SPIRE1: variants seen among roughly 807,000 people sequenced by gnomAD.
SPIRE1 encodes the protein spire type actin nucleation factor 1.
A neutral mutation model predicts 94.1 loss-of-function variants in SPIRE1; 40 were observed. The observed-to-expected ratio is 0.43, with a 90% CI of 0.33 to 0.55. SPIRE1 has a LOEUF of 0.55. Among genes scored for constraint, SPIRE1 ranks in the 20% least tolerant of loss-of-function variants. The pLI is 0.06. For synonymous variants in SPIRE1, 376 were observed against 371.7 expected, an observed-to-expected ratio of 1.01 and a Z score of -0.13; for missense variants, 838 against 975.2, an observed-to-expected ratio of 0.86 and a Z score of 1.87.
In SPIRE1 at chr18:12,449,537, AG is replaced by A. The variant is rs2031115686; in HGVS notation, c.*100del. 8.2e-7 allele frequency: 1 copy of A among 1,213,826 alleles called. No homozygotes were observed. Among genetic ancestry groups the A allele is most frequent in the South Asian group, 1.6e-5 (1 of 64,428 alleles). 75.2% of individuals were successfully genotyped at this position (1,213,826 alleles called of 1,614,324 possible). A position where few individuals can be genotyped will look rare whatever the true frequency, so the allele number is the denominator to read the frequency against. ...AAAAATCTGATCTAATGCAAATTCA[AG>A]CCCATTAAATAAAACCACAGAAAGG... On this transcript the variant is annotated 3_prime_UTR_variant, in exon 17 of 17. Transcript: ENST00000409402.
At chr18:12,528,015 C>A (rs2034575436) in intron 4 of SPIRE1, among the ~76,000 whole-genome samples, 1 of 150,700 alleles carries the variant, frequency 6.6e-6, no homozygotes, top group East Asian at 1.9e-4. Context: ...GCAGATTGCG[C>A]CACTGCACTC....
At chr18:12,509,182 C>G (rs557217685) in intron 5 of SPIRE1, among the ~76,000 whole-genome samples, 2 of 152,302 alleles carry the variant, frequency 1.3e-5, no homozygotes, top group East Asian at 3.9e-4. Flanking sequence ...CTAATTCTCT[C>G]TTAACTCTTT....
At chr18:12,462,305 C>A (rs1205337045) in intron 12 of SPIRE1, among the ~76,000 whole-genome samples, 4 of 152,184 alleles carry the variant, frequency 2.6e-5, no homozygotes, top group African/African-American at 7.2e-5. Flanking sequence ...TCATCACAGC[C>A]TTAAAAAATG....
chr18:12,653,123 G>C (rs1211294326), intron 1 of SPIRE1: 2 of 152,228 alleles, frequency 1.3e-5, no homozygotes, highest in Non-Finnish European at 2.9e-5. Context: ...AATGGACAGA[G>C]ACTTTTTTAA....
chr18:12,659,544 C>T (rs112586609), upstream of SPIRE1, among the ~76,000 whole-genome samples: 5 of 152,220 alleles, frequency 3.3e-5, no homozygotes, highest in African/African-American at 1.2e-4. Context: ...GTGACGCACG[C>T]TTGTAATCCC....
At chr18:12,489,237 A>G (rs1237503616) in intron 8 of SPIRE1, among the ~76,000 whole-genome samples, 1 of 152,238 alleles carries the variant, frequency 6.6e-6, no homozygotes, top group Non-Finnish European at 1.5e-5. Context: ...AAGTTTTCTA[A>G]AAAGTAAAGA....
intron 2 of SPIRE1, among the ~76,000 whole-genome samples, chr18:12,622,356 GA>G (rs2037495933): frequency 6.6e-6 from 1 of 150,574 alleles, no homozygotes; most frequent in Non-Finnish European, 1.5e-5. Flanking sequence ...ATGATCACAG[GA>G]ATAGAAAAAA....
At chr18:12,509,912 CTG>C (rs2033972522) in intron 5 of SPIRE1, among the ~76,000 whole-genome samples, 1 of 151,978 alleles carries the variant, frequency 6.6e-6, no homozygotes, top group Non-Finnish European at 1.5e-5. Context: ...TGGTGAAACC[CTG>C]TCTCTACTAA....
At chr18:12,574,334 G>A (rs2036037882) in intron 2 of SPIRE1, among the ~76,000 whole-genome samples, 1 of 152,186 alleles carries the variant, frequency 6.6e-6, no homozygotes, top group African/African-American at 2.4e-5. Context: ...AGATCAAATA[G>A]GAGGCTACTG....
intron 2 of SPIRE1, among the ~76,000 whole-genome samples, chr18:12,617,273 G>A (rs1244087122): frequency 6.6e-6 from 1 of 150,882 alleles, no homozygotes; most frequent in African/African-American, 2.4e-5. Context: ...GGAGTGCAGT[G>A]GTGTGATCTC....
intron 2 of SPIRE1, among the ~76,000 whole-genome samples, chr18:12,563,287 A>C (rs951276426): frequency 1.3e-5 from 2 of 152,160 alleles, no homozygotes; most frequent in Non-Finnish European, 2.9e-5. Context: ...TGAGCATCAA[A>C]ATAATACAAA....
intron 10 of SPIRE1, among the ~76,000 whole-genome samples, chr18:12,478,398 G>C (rs554991822): frequency 6.6e-6 from 1 of 150,846 alleles, no homozygotes; most frequent in Non-Finnish European, 1.5e-5. Context: ...GCGCATGTGC[G>C]CGTGTAGCTA....
intron 3 of SPIRE1, among the ~76,000 whole-genome samples, chr18:12,537,701 T>C (rs1369324817): frequency 6.6e-6 from 1 of 152,204 alleles, no homozygotes; most frequent in African/African-American, 2.4e-5. Context: ...ATCAGTTGTA[T>C]TTCTACACAT....
At chr18:12,567,273 C>T (rs1247439940) in intron 2 of SPIRE1, among the ~76,000 whole-genome samples, 1 of 152,066 alleles carries the variant, frequency 6.6e-6, no homozygotes, top group Non-Finnish European at 1.5e-5. Flanking sequence ...AAAATACATA[C>T]AAGATCTGTA....
chr18:12,461,752 T>C (rs1038450649), intron 12 of SPIRE1, among the ~76,000 whole-genome samples: 4 of 152,112 alleles, frequency 2.6e-5, no homozygotes, highest in African/African-American at 9.7e-5. Flanking sequence ...TGCAGCATCC[T>C]GAGTAGCTGG....
At chr18:12,556,492 G>A (rs1257667402) in intron 2 of SPIRE1, among the ~76,000 whole-genome samples, 7 of 152,186 alleles carry the variant, frequency 4.6e-5, no homozygotes, top group South Asian at 2.1e-4. Context: ...GGACCCTCAC[G>A]GTGAGTGTTA....
Position 12,503,776 on chromosome 18 carries a change from TACAA to T in SPIRE1, c.972+2697_972+2700del, listed in dbSNP as rs2033744337. ...GTTAAATTAAAATAAAATTAAGAAATACAAACAGCTAGCACAGATTTTTAAATGT... is the reference window on the plus strand; with the variant it reads ...GTTAAATTAAAATAAAATTAAGAAATACAGCTAGCACAGATTTTTAAATGT... On this transcript the variant is annotated intron_variant, in intron 6 of 16. Transcript: ENST00000409402. 1.5e-5 allele frequency among the ~76,000 whole-genome samples: 2 copies of T among 134,406 alleles called. 1 individual carries two copies. Among genetic ancestry groups the T allele is most frequent in the Non-Finnish European group, 3.3e-5 (2 of 60,724 alleles). The allele number at this position is 134,406 out of a possible 152,430, so 88.2% of individuals were successfully genotyped here. A position where few individuals can be genotyped will look rare whatever the true frequency, so the allele number is the denominator to read the frequency against.
intron 2 of SPIRE1, among the ~76,000 whole-genome samples, chr18:12,549,439 G>GGTTTTT (rs2035275774): frequency 5.6e-4 from 23 of 41,250 alleles, no homozygotes; most frequent in Non-Finnish European, 6.9e-4. Context: ...TGTTATTGTT[G>GGTTTTT]TTTTTTTTTT....
intron 10 of SPIRE1, among the ~76,000 whole-genome samples, chr18:12,479,159 ATTT>A (rs61059172): frequency 7.0e-5 from 10 of 143,878 alleles, no homozygotes; most frequent in African/African-American, 2.6e-4. Flanking sequence ...ACATATATGT[ATTT>A]TTTTTTTCTT....
Sources: allele counts gnomAD v4.1 joint callset (sites outside exome capture counted in the v4.1 genomes callset), GRCh38; gene constraint gnomAD v4.1.1; transcripts MANE v1.5; gene names NCBI Gene and HGNC (gene_info 2026-07-23, HGNC 2026-07-21).